The following OPTN variants were observed in gnomAD, a reference collection of about 807,000 sequenced individuals.
OPTN encodes the protein E3-14.7K-interacting protein.
Under a neutral mutation model 70.4 loss-of-function variants are expected in OPTN, and 54 were observed. That is an observed-to-expected ratio of 0.77 (90% CI 0.62 to 0.96). OPTN has a LOEUF of 0.96. Among genes scored for constraint, OPTN ranks in the 40% least tolerant of loss-of-function variants. The pLI is 0.00. For missense variants in OPTN, 624 were observed against 673.2 expected, an observed-to-expected ratio of 0.93 and a Z score of 0.81; for synonymous variants, 256 against 248.5, an observed-to-expected ratio of 1.03 and a Z score of -0.28.
chr10:13,120,283 C>T (rs576393029), intron 7 of OPTN, among the ~76,000 whole-genome samples: 4 of 152,126 alleles, frequency 2.6e-5, no homozygotes, highest in South Asian at 2.1e-4. Context: ...CCACCGCGCC[C>T]GGCTGATCTG....
chr10:13,132,222 C>T (rs765035519), intron 13 of OPTN, 25 bp downstream of exon 13: 2 of 1,609,512 alleles, frequency 1.2e-6, no homozygotes, highest in Admixed American at 1.7e-5. Context: ...GAGGAGGACC[C>T]AGAGCTCACA....
At chr10:13,115,253 T>TATATATTTATAAATATAGA (rs1833148633) in intron 5 of OPTN, among the ~76,000 whole-genome samples, 1 of 10,624 alleles carries the variant, frequency 9.4e-5, no homozygotes, top group African/African-American at 2.4e-4. Context: ...ATATCTATAT[T>TATATATTTATAAATATAGA]TATATCTATA....
chr10:13,126,669 T>A (rs369350842), intron 11 of OPTN, among the ~76,000 whole-genome samples: 4 of 152,180 alleles, frequency 2.6e-5, no homozygotes, highest in Non-Finnish European at 4.4e-5. Context: ...TGGGGAATTG[T>A]GCAAGACCAG....
chr10:13,122,521 CCA>C (rs750052416), intron 8 of OPTN, 34 bp downstream of exon 8: 1 of 1,368,034 alleles, frequency 7.3e-7, no homozygotes, highest in South Asian at 1.2e-5. Flanking sequence ...ACTACCACAC[CCA>C]CACACACGAG....
At chr10:13,135,484 C>G (rs1833680562) in intron 14 of OPTN, among the ~76,000 whole-genome samples, 1 of 151,626 alleles carries the variant, frequency 6.6e-6, no homozygotes, top group Non-Finnish European at 1.5e-5. Context: ...GCACCAAGAT[C>G]TAAACTAGGG....
rs747912539 is a variant in OPTN at position 13,122,427 on chromosome 10, T to A, written c.822T>A (p.Ile274=). Residue 274 remains isoleucine, a synonymous_variant, in exon 8 of 15, where the codon ATT becomes ATA. Coordinates refer to ENST00000378747, the MANE Select transcript of OPTN (RefSeq NM_001008212.2). The stretch of plus-strand genomic sequence containing the variant: ...AGAAAACAAGTAATCGTTCTGAGAT[T>A]GAAACCCAGACAGAGGGGAGCACAG... ...FEKKTSNRSE[I]ETQTEGSTEK... 3 of 1,614,080 alleles carry A rather than the reference T, an allele frequency of 1.9e-6. No homozygotes were observed. In the South Asian group the frequency reaches 3.3e-5, roughly 18 times the overall value.
chr10:13,109,357 A>G lies in OPTN; in HGVS notation c.166+69A>G, dbSNP rs981052340. 6 of 1,519,216 alleles carry G rather than the reference A, an allele frequency of 3.9e-6. No homozygotes were observed. In the East Asian group the frequency reaches 9.0e-5, roughly 23 times the overall value. The allele number at this position is 1,519,216 out of a possible 1,614,324, so 94.1% of individuals were successfully genotyped here. On this transcript the variant is annotated intron_variant, in intron 3 of 14. Transcript: ENST00000378747. ...GCAAGAAATGCCATCCCTTTGCACTAAGGCTTGGTGGTGAGCTCCCTTCTC... is the reference window on the plus strand; with the variant it reads ...GCAAGAAATGCCATCCCTTTGCACTGAGGCTTGGTGGTGAGCTCCCTTCTC...
At chr10:13,124,435 A>C (rs1372552303) in intron 9 of OPTN, among the ~76,000 whole-genome samples, 1 of 152,228 alleles carries the variant, frequency 6.6e-6, no homozygotes, top group Non-Finnish European at 1.5e-5. Context: ...GATGTGAGTA[A>C]GCATAAAGAA....
Position 13,118,930 on chromosome 10 carries a change from G to A in OPTN, c.669G>A (p.Lys223=), listed in dbSNP as rs778107336. The change falls in exon 7 of 15, where the codon AAG becomes AAA. Residue 223 remains lysine, a synonymous_variant. Coordinates refer to ENST00000378747, the MANE Select transcript of OPTN (RefSeq NM_001008212.2). ...KYRSRSADGA[K]NYFEHEELTV... ...GGAGCAGATCTGCAGATGGGGCCAA[G>A]AATTACTTCGAACATGAGGAGTTAA... The A allele has an allele frequency of 1.2e-6, 2 of 1,614,160 alleles. No individual in the cohort carries two copies. The highest frequency in any genetic ancestry group is 1.7e-6 in the Non-Finnish European group (2 of 1,179,980).
intron 7 of OPTN, among the ~76,000 whole-genome samples, chr10:13,121,500 TAAAAA>T (rs200687404): frequency 1.1e-4 from 10 of 90,880 alleles, no homozygotes; most frequent in Middle Eastern, 0.011. Context: ...GATTATCCTG[TAAAAA>T]AAAAAAAAAA....
intron 5 of OPTN, among the ~76,000 whole-genome samples, chr10:13,114,498 A>G (rs1163074262): frequency 6.6e-6 from 1 of 151,824 alleles, no homozygotes. Context: ...CATGGTTAGC[A>G]TCTCATTCTC....
intron 5 of OPTN, among the ~76,000 whole-genome samples, chr10:13,115,298 TATATA>T (rs1175515361): frequency 1.1e-4 from 8 of 74,602 alleles, no homozygotes; most frequent in African/African-American, 4.2e-4. Context: ...TATTCTATAA[TATATA>T]ATATATAATA....
At chr10:13,135,833 C>T (rs74122509) in intron 14 of OPTN, among the ~76,000 whole-genome samples, 3,105 of 152,248 alleles carry the variant, frequency 0.02, 93 homozygotes, top group African/African-American at 0.069. Flanking sequence ...TTTACTAGAA[C>T]ATGCATTGTC....
At position 13,125,986 on chromosome 10, in the gene OPTN, C is replaced by T; in HGVS notation, c.1189C>T (p.Leu397Phe). The change falls in exon 11 of 15, where the codon CTT (leucine) becomes TTT (phenylalanine). Residue 397 changes from leucine (L) to phenylalanine (F), a missense_variant. Coordinates refer to ENST00000378747, the MANE Select transcript of OPTN (RefSeq NM_001008212.2). The part of the protein sequence containing the change: ...TVLQMTHNKL[L>F]QEHNNALKTI... ...GCTACAGATGACACACAACAAGCTT[C>T]TTCAAGAACATAATAATGCATTGAA... 6.2e-7 allele frequency: 1 copy of T among 1,612,930 alleles called. No individual in the cohort carries two copies.
At chr10:13,115,124 T>C (rs1374148815) in intron 5 of OPTN, among the ~76,000 whole-genome samples, 1 of 97,394 alleles carries the variant, frequency 1.0e-5, no homozygotes, top group Non-Finnish European at 1.8e-5. Flanking sequence ...TATATATATA[T>C]ATAAATTTAT....
At chr10:13,113,542 G>A (rs1040775976) in intron 5 of OPTN, among the ~76,000 whole-genome samples, 2 of 152,100 alleles carry the variant, frequency 1.3e-5, no homozygotes, top group Non-Finnish European at 2.9e-5. Context: ...CAGATGAAGT[G>A]GGCTAAGCGA....
intron 12 of OPTN, 45 bp downstream of exon 12, chr10:13,127,948 C>G (rs1564366590): frequency 1.2e-5 from 20 of 1,600,796 alleles, no homozygotes; most frequent in Non-Finnish European, 1.5e-5. Context: ...CCAGCCCTGA[C>G]TGTATTCTCG....
chr10:13,122,696 G>T (rs183220001), intron 8 of OPTN, among the ~76,000 whole-genome samples: 15 of 152,196 alleles, frequency 9.9e-5, no homozygotes, highest in Admixed American at 9.8e-4. Flanking sequence ...GTTGTTGTTG[G>T]AGATGGAGTC....
chr10:13,111,133 G>A (rs1232919100), intron 4 of OPTN, among the ~76,000 whole-genome samples: 2 of 152,152 alleles, frequency 1.3e-5, no homozygotes, highest in Non-Finnish European at 2.9e-5. Context: ...TGCTGTCCAT[G>A]CCAAGTGTGG....
Sources: gnomAD v4.1 joint callset for allele counts (sites outside exome capture counted in the v4.1 genomes callset) on GRCh38, gnomAD v4.1.1 for gene constraint, MANE v1.5 for transcripts, NCBI Gene and HGNC (gene_info 2026-07-23, HGNC 2026-07-21) for gene names.